Variants in SORCS3 observed in about 807,000 individuals in gnomAD.
The protein encoded by SORCS3 is sortilin related VPS10 domain containing receptor 3, also known as VPS10 domain-containing receptor SorCS3.
SORCS3 carries 57 observed loss-of-function variants against 146.3 expected under a neutral mutation model. The observed-to-expected ratio is 0.39, with a 90% CI of 0.31 to 0.49. SORCS3 has a LOEUF of 0.49. SORCS3 is among the 20% of genes least tolerant of loss of function. The pLI, the probability that SORCS3 is intolerant of heterozygous loss-of-function variation, is 0.92. For missense variants in SORCS3, 1,341 were observed against 1,575.5 expected (o/e 0.85, Z 2.52); for synonymous variants, 653 against 618.5 (o/e 1.06, Z -0.83).
chr10:104,761,691 T>G (rs1401818978), intron 1 of SORCS3, among the ~76,000 whole-genome samples: 1 of 152,186 alleles, frequency 6.6e-6, no homozygotes, highest in Non-Finnish European at 1.5e-5. Flanking sequence ...CACTAAAGGC[T>G]TCTGGGAGAG....
chr10:105,238,935 A>G (rs2056808412), intron 20 of SORCS3, among the ~76,000 whole-genome samples: 1 of 152,168 alleles, frequency 6.6e-6, no homozygotes, highest in South Asian at 2.1e-4. Flanking sequence ...ACACACAAAG[A>G]CAAAGGAATA....
At chr10:105,032,235 A>G (rs187095919) in intron 4 of SORCS3, among the ~76,000 whole-genome samples, 4 of 152,260 alleles carry the variant, frequency 2.6e-5, no homozygotes, top group African/African-American at 9.6e-5. Context: ...GCAGCCAAGG[A>G]TTTTGGGATG....
chr10:105,187,828 C>T (rs1233096823), intron 14 of SORCS3, among the ~76,000 whole-genome samples: 1 of 152,176 alleles, frequency 6.6e-6, no homozygotes, highest in African/African-American at 2.4e-5. Context: ...TGGGCTAGGG[C>T]ATAAACAAAA....
intron 20 of SORCS3, among the ~76,000 whole-genome samples, chr10:105,239,871 T>A (rs1310071270): frequency 6.6e-6 from 1 of 152,192 alleles, no homozygotes; most frequent in East Asian, 1.9e-4. Context: ...TCCTGTTGAG[T>A]GTTCCAGCTT....
intron 4 of SORCS3, among the ~76,000 whole-genome samples, chr10:105,007,791 A>G (rs1462121477): frequency 1.3e-5 from 2 of 152,182 alleles, no homozygotes; most frequent in Non-Finnish European, 2.9e-5. Flanking sequence ...TGTGCTGGGC[A>G]TAAAATGATG....
chr10:104,662,036 C>G (rs1427606889), intron 1 of SORCS3, among the ~76,000 whole-genome samples: 1 of 152,128 alleles, frequency 6.6e-6, no homozygotes, highest in Non-Finnish European at 1.5e-5. Context: ...ATTACTATCT[C>G]TCTTTAACAG....
At chr10:105,079,199 GA>G (rs1257713112) in intron 5 of SORCS3, among the ~76,000 whole-genome samples, 1 of 152,212 alleles carries the variant, frequency 6.6e-6, no homozygotes, top group Non-Finnish European at 1.5e-5. Context: ...AGAAGATTCT[GA>G]TGCTAGCTGC....
At chr10:105,229,267 T>A (rs2056753470) in intron 20 of SORCS3, among the ~76,000 whole-genome samples, 1 of 152,152 alleles carries the variant, frequency 6.6e-6, no homozygotes, top group African/African-American at 2.4e-5. Flanking sequence ...TGATTTCTTT[T>A]CCTTGCATTT....
At chr10:105,076,211 A>G (rs2055587921) in intron 5 of SORCS3, among the ~76,000 whole-genome samples, 1 of 152,208 alleles carries the variant, frequency 6.6e-6, no homozygotes, top group Non-Finnish European at 1.5e-5. Context: ...CAATTAATAA[A>G]TGTAGAGTTG....
At chr10:104,769,744 T>A (rs1404474344) in intron 1 of SORCS3, among the ~76,000 whole-genome samples, 1 of 152,138 alleles carries the variant, frequency 6.6e-6, no homozygotes, top group African/African-American at 2.4e-5. Flanking sequence ...GCACTGACTC[T>A]GAGGCTTAAG....
intron 19 of SORCS3, among the ~76,000 whole-genome samples, chr10:105,218,749 G>T (rs978026066): frequency 1.3e-5 from 2 of 152,192 alleles, no homozygotes; most frequent in East Asian, 1.9e-4. Context: ...GGGCGCGGTG[G>T]CTCACGCCTG....
intron 1 of SORCS3, among the ~76,000 whole-genome samples, chr10:104,840,853 T>C (rs2018131749): frequency 8.4e-5 from 1 of 11,950 alleles, no homozygotes; most frequent in Non-Finnish European, 1.5e-4. Flanking sequence ...GGGGAAAAAA[T>C]GAAATGGTCT....
Position 105,039,610 on chromosome 10 carries a change from C to T in SORCS3, c.955-3445C>T, listed in dbSNP as rs558431172. ...TAGCTGGGACTACAAGCACCTGCTG[C>T]CATGCCCAGCTAATTTTTGTATTTT... On this transcript the variant is annotated intron_variant, in intron 4 of 26. Coordinates refer to ENST00000369701, the MANE Select transcript of SORCS3 (RefSeq NM_014978.3). 5.9e-5 allele frequency among the ~76,000 whole-genome samples: 9 copies of T among 152,084 alleles called. No individual in the cohort carries two copies. The South Asian group carries it at 1.9e-3, about 32-fold the overall frequency.
chr10:104,798,022 C>T (rs2017577887), intron 1 of SORCS3, among the ~76,000 whole-genome samples: 1 of 152,142 alleles, frequency 6.6e-6, no homozygotes, highest in Non-Finnish European at 1.5e-5. Flanking sequence ...GGAGATGGTG[C>T]ATAATCCCAT....
intron 6 of SORCS3, among the ~76,000 whole-genome samples, chr10:105,098,553 G>T (rs1459019124): frequency 6.6e-6 from 1 of 152,130 alleles, no homozygotes; most frequent in East Asian, 1.9e-4. Context: ...AATCACCTGG[G>T]TTCAAATTCT....
intron 1 of SORCS3, among the ~76,000 whole-genome samples, chr10:104,783,457 G>A (rs549863521): frequency 1.3e-5 from 2 of 152,288 alleles, no homozygotes; most frequent in African/African-American, 4.8e-5. Context: ...CTTGGGGCCG[G>A]GCGTGGTGGC....
At chr10:105,124,061 TCCTTCCCC>T (rs1276309039) in intron 7 of SORCS3, among the ~76,000 whole-genome samples, 2 of 152,194 alleles carry the variant, frequency 1.3e-5, no homozygotes, top group Non-Finnish European at 2.9e-5. Context: ...TGCATACTCT[TCCTTCCCC>T]CTTTCTAAAC....
chr10:105,124,247 A>C (rs6584653), intron 7 of SORCS3, among the ~76,000 whole-genome samples: 77,418 of 152,118 alleles, frequency 0.51, 19,998 homozygotes, highest in Admixed American at 0.55. Flanking sequence ...GTCTATTGAA[A>C]AGAACATTAT....
At chr10:105,183,332 A>G (rs1204438960) in intron 14 of SORCS3, among the ~76,000 whole-genome samples, 1 of 152,170 alleles carries the variant, frequency 6.6e-6, no homozygotes, top group Non-Finnish European at 1.5e-5. Context: ...CATTTTGCTT[A>G]GAAAATTATG....
Sources: allele counts gnomAD v4.1 joint callset (sites outside exome capture counted in the v4.1 genomes callset), GRCh38; gene constraint gnomAD v4.1.1; transcripts MANE v1.5; gene names NCBI Gene and HGNC (gene_info 2026-07-23, HGNC 2026-07-21).